Variants in CTNNA3 observed in about 807,000 individuals in gnomAD.
CTNNA3 encodes the protein catenin alpha 3.
A neutral mutation model predicts 95.7 loss-of-function variants in CTNNA3; 76 were observed. The observed-to-expected ratio is 0.79, with a 90% CI of 0.66 to 0.96. The LOEUF (loss-of-function observed/expected upper bound fraction) is 0.96. CTNNA3 is among the 40% of genes least tolerant of loss of function. CTNNA3 has a pLI of 0.00. For missense variants in CTNNA3, 1,191 were observed against 1,089.8 expected (o/e 1.09, Z -1.31); for synonymous variants, 431 against 374.4 (o/e 1.15, Z -1.74).
At chr10:66,749,134 C>G (rs1482718683) in intron 9 of CTNNA3, among the ~76,000 whole-genome samples, 1 of 131,170 alleles carries the variant, frequency 7.6e-6, no homozygotes, top group African/African-American at 2.9e-5. Flanking sequence ...ACCCGGGAGG[C>G]AGAGGTTGCA....
At chr10:66,303,466 A>G (rs1037161200) in intron 12 of CTNNA3, among the ~76,000 whole-genome samples, 14 of 152,222 alleles carry the variant, frequency 9.2e-5, no homozygotes, top group Admixed American at 7.9e-4. Context: ...ATACTTGATT[A>G]TGTATCTGGC....
At chr10:67,731,229 T>C (rs1467784063) in intron 1 of CTNNA3, among the ~76,000 whole-genome samples, 1 of 152,180 alleles carries the variant, frequency 6.6e-6, no homozygotes, top group Non-Finnish European at 1.5e-5. Context: ...TCATTAAGTC[T>C]TATGATAGCC....
intron 15 of CTNNA3, among the ~76,000 whole-genome samples, chr10:66,063,916 T>C (rs138778432): frequency 0.011 from 1,710 of 152,294 alleles, 11 homozygotes; most frequent in Middle Eastern, 0.027. Flanking sequence ...TTAACTCTGA[T>C]CTTCAACCCT....
chr10:66,271,726 G>A (rs565055463), intron 13 of CTNNA3, among the ~76,000 whole-genome samples: 2 of 152,168 alleles, frequency 1.3e-5, no homozygotes, highest in South Asian at 4.2e-4. Context: ...TCTGAGTGCA[G>A]GACTAGACTG....
At chr10:66,340,683 T>G (rs1207517480) in intron 12 of CTNNA3, among the ~76,000 whole-genome samples, 2 of 151,792 alleles carry the variant, frequency 1.3e-5, no homozygotes, top group Non-Finnish European at 3.0e-5. Context: ...TCTTAAATAA[T>G]ATCTCATATT....
At chr10:66,815,801 A>C (rs1002062255) in intron 7 of CTNNA3, among the ~76,000 whole-genome samples, 1 of 152,202 alleles carries the variant, frequency 6.6e-6, no homozygotes, top group South Asian at 2.1e-4. Context: ...TTCTCAGGAA[A>C]AGAAAAAGTG....
chr10:67,308,406 C>T (rs1320633839), intron 5 of CTNNA3, among the ~76,000 whole-genome samples: 1 of 152,186 alleles, frequency 6.6e-6, no homozygotes, highest in Non-Finnish European at 1.5e-5. Flanking sequence ...TGCTCTCTTG[C>T]CTGCCACCAT....
intron 1 of CTNNA3, among the ~76,000 whole-genome samples, chr10:67,655,513 C>T (rs73270189): frequency 0.13 from 20,210 of 152,110 alleles, 2,417 homozygotes; most frequent in African/African-American, 0.32. Flanking sequence ...AGGTCGCGTG[C>T]GGTGGCTCAT....
chr10:66,546,396 T>G (rs983474212), intron 10 of CTNNA3, among the ~76,000 whole-genome samples: 3 of 152,158 alleles, frequency 2.0e-5, no homozygotes, highest in Non-Finnish European at 2.9e-5. Flanking sequence ...TAATAATAAA[T>G]GTATATTTCT....
At chr10:66,442,707 C>A (rs544107866) in intron 11 of CTNNA3, among the ~76,000 whole-genome samples, 1 of 152,098 alleles carries the variant, frequency 6.6e-6, no homozygotes, top group Non-Finnish European at 1.5e-5. Context: ...GGAACAGCTC[C>A]GGTCTACAGC....
chr10:66,164,426 C>G lies in CTNNA3; in HGVS notation c.1885-61177G>C, dbSNP rs2085015890. On this transcript the variant is annotated intron_variant, in intron 13 of 17. Coordinates refer to ENST00000433211, the MANE Select transcript of CTNNA3 (RefSeq NM_013266.4). ...ATAGGTCATAGATTGCCAAAGTGTC[C>G]TGTTCTCCTGGCCACAATCATTGAT... Among the ~76,000 whole-genome samples the G allele has an allele frequency of 2.6e-5, 4 of 152,056 alleles. No individual in the cohort carries two copies. In the South Asian group the frequency reaches 8.3e-4, roughly 32 times the overall value.
chr10:66,357,338 A>G (rs1200650894), intron 12 of CTNNA3, among the ~76,000 whole-genome samples: 4 of 152,092 alleles, frequency 2.6e-5, no homozygotes, highest in Non-Finnish European at 5.9e-5. Context: ...TGACAGCTTT[A>G]AGATATAATT....
At chr10:66,638,092 A>G (rs1437216886) in intron 9 of CTNNA3, among the ~76,000 whole-genome samples, 2 of 152,146 alleles carry the variant, frequency 1.3e-5, no homozygotes, top group African/African-American at 4.8e-5. Flanking sequence ...CAGCTGCGTC[A>G]CTTCTCACAT....
At chr10:67,112,168 C>A (rs1038787150) in intron 7 of CTNNA3, among the ~76,000 whole-genome samples, 4 of 152,094 alleles carry the variant, frequency 2.6e-5, no homozygotes, top group East Asian at 3.9e-4. Context: ...ATGTTCCACC[C>A]TTTTCAATAT....
At chr10:67,400,935 AATGTG>A (rs1457624245) in intron 5 of CTNNA3, among the ~76,000 whole-genome samples, 2 of 152,202 alleles carry the variant, frequency 1.3e-5, no homozygotes, top group African/African-American at 4.8e-5. Context: ...GTCATCCTCA[AATGTG>A]AGTGCTTATC....
chr10:67,323,240 T>C (rs1418977462), intron 5 of CTNNA3, among the ~76,000 whole-genome samples: 1 of 152,342 alleles, frequency 6.6e-6, no homozygotes, highest in South Asian at 2.1e-4. Flanking sequence ...CATTTGTCAA[T>C]TTTTGCTTTT....
At chr10:66,622,181 C>A (rs534841105) in intron 9 of CTNNA3, among the ~76,000 whole-genome samples, 137 of 152,158 alleles carry the variant, frequency 9.0e-4, no homozygotes, top group African/African-American at 3.2e-3. Context: ...TATTATTTCC[C>A]AGAGGTCTAT....
chr10:67,254,377 G>A (rs1866246477), intron 5 of CTNNA3, among the ~76,000 whole-genome samples: 1 of 152,146 alleles, frequency 6.6e-6, no homozygotes, highest in Non-Finnish European at 1.5e-5. Context: ...AGATGGTAAG[G>A]TTCAAGGTAT....
chr10:66,355,143 G>A (rs147475737), intron 12 of CTNNA3, among the ~76,000 whole-genome samples: 1 of 152,008 alleles, frequency 6.6e-6, no homozygotes, highest in Non-Finnish European at 1.5e-5. Flanking sequence ...GTAGATATAC[G>A]ATTTAAAAGA....
Sources: allele counts gnomAD v4.1 joint callset (sites outside exome capture counted in the v4.1 genomes callset), GRCh38; gene constraint gnomAD v4.1.1; transcripts MANE v1.5; gene names NCBI Gene and HGNC (gene_info 2026-07-23, HGNC 2026-07-21).